Variants in PRUNE1 observed in about 807,000 individuals in gnomAD.
PRUNE1 encodes the protein exopolyphosphatase PRUNE1.
In PRUNE1, 25 loss-of-function variants were observed where a neutral mutation model predicts 42.5. The ratio of observed to expected loss-of-function variants is 0.59; its 90% CI spans 0.43 to 0.82. The LOEUF (loss-of-function observed/expected upper bound fraction) is 0.82. Ranked by LOEUF, PRUNE1 falls within the 40% of genes least tolerant of loss-of-function variation. The pLI is 0.00. For missense variants in PRUNE1, 443 were observed against 539.3 expected, an observed-to-expected ratio of 0.82 and a Z score of 1.77; for synonymous variants, 203 against 217.1, an observed-to-expected ratio of 0.93 and a Z score of 0.57.
At chr1:151,008,783 T>C in intron 1 of PRUNE1, 112 bp downstream of exon 1, 1 of 1,246,030 alleles carries the variant, frequency 8.0e-7, no homozygotes, top group Non-Finnish European at 1.1e-6. Flanking sequence ...CACTGAGTTG[T>C]GGGGAGGGGG....
At chr1:151,025,166 AAGAG>A (rs1045260802) in intron 4 of PRUNE1, among the ~76,000 whole-genome samples, 1 of 151,160 alleles carries the variant, frequency 6.6e-6, no homozygotes. Context: ...TGTAAAAAAA[AAGAG>A]AGAGAGAGTG....
intron 1 of PRUNE1, among the ~76,000 whole-genome samples, chr1:151,015,181 T>G (rs1674021377): frequency 1.4e-5 from 2 of 145,572 alleles, no homozygotes; most frequent in Admixed American, 1.4e-4. Flanking sequence ...ATACAAAAAT[T>G]AGCTGGGTGT....
chr1:151,017,470 A>G (rs1384458966), intron 1 of PRUNE1, among the ~76,000 whole-genome samples: 3 of 152,012 alleles, frequency 2.0e-5, no homozygotes, highest in African/African-American at 7.3e-5. Context: ...GTAGATGGAG[A>G]GGCCAGGCAC....
chr1:151,020,491 G>T (rs587599691), intron 3 of PRUNE1, among the ~76,000 whole-genome samples: 1 of 151,832 alleles, frequency 6.6e-6, no homozygotes, highest in East Asian at 2.0e-4. Flanking sequence ...GGCCAGGTGT[G>T]GTGGCTCACA....
chr1:151,019,964 T>TG (rs1674319542), intron 3 of PRUNE1, among the ~76,000 whole-genome samples: 1 of 151,268 alleles, frequency 6.6e-6, no homozygotes, highest in Non-Finnish European at 1.5e-5. Context: ...CCTGAGTAGC[T>TG]GGGATTACAG....
intron 5 of PRUNE1, 24 bp from the exon 6 acceptor site, chr1:151,027,209 C>T (rs747471912): frequency 7.7e-6 from 12 of 1,558,470 alleles, no homozygotes; most frequent in East Asian, 2.2e-5. Context: ...CTGTTTGACC[C>T]CTAGTCTCTC....
At chr1:151,024,242 AG>A (rs1287724112) in intron 3 of PRUNE1, among the ~76,000 whole-genome samples, 1 of 151,404 alleles carries the variant, frequency 6.6e-6, no homozygotes, top group Non-Finnish European at 1.5e-5. Context: ...AAGTAACCAA[AG>A]GTCAGTTTTA....
chr1:151,016,879 G>A (rs587622445), intron 1 of PRUNE1, among the ~76,000 whole-genome samples: 11 of 151,726 alleles, frequency 7.2e-5, no homozygotes, highest in Admixed American at 3.3e-4. Flanking sequence ...GTAAGCATTC[G>A]GCCGAGCACG....
chr1:151,018,069 G>T (rs2102909165), intron 2 of PRUNE1, among the ~76,000 whole-genome samples, 165 bp downstream of exon 2: 1 of 152,248 alleles, frequency 6.6e-6, no homozygotes, highest in East Asian at 1.9e-4. Flanking sequence ...ATGATATTTT[G>T]CAGTGTTGCT....
chr1:151,027,160 G>C, intron 5 of PRUNE1, 73 bp from the exon 6 acceptor site: 1 of 1,031,592 alleles, frequency 9.7e-7, no homozygotes. Context: ...GACCCATCTG[G>C]CTGTCCTTGC....
chr1:151,008,735 G>A (rs1271579263), intron 1 of PRUNE1, 64 bp downstream of exon 1: 1 of 1,585,546 alleles, frequency 6.3e-7, no homozygotes, highest in Non-Finnish European at 8.7e-7. Context: ...ACGAAGACGT[G>A]GGATCTGGGG....
At chr1:151,033,753 C>A in intron 7 of PRUNE1, 53 bp from the exon 8 acceptor site, 1 of 1,523,508 alleles carries the variant, frequency 6.6e-7, no homozygotes, top group Non-Finnish European at 9.0e-7. Flanking sequence ...AGAAGCCCAG[C>A]ACTTTGCTAC....
Position 151,034,420 on chromosome 1 carries a change from T to C in PRUNE1, c.*186T>C. The stretch of plus-strand genomic sequence containing the variant: ...GCTTTAAGAATGGTTTTCCACCTTT[T>C]CCCCCTAATCTCTACCAATCAGACA... On this transcript the variant is annotated 3_prime_UTR_variant, in exon 8 of 8. Transcript: ENST00000271620. The C allele has an allele frequency of 1.6e-6, 1 of 610,444 alleles. No homozygotes were observed. The highest frequency in any genetic ancestry group is 2.8e-6 in the Non-Finnish European group (1 of 353,798). The allele number at this position is 610,444 out of a possible 1,614,324, so 37.8% of individuals were successfully genotyped here.
chr1:151,008,545 C>T lies in PRUNE1; in HGVS notation c.-88C>T, dbSNP rs1011041122. 6.6e-6 allele frequency: 10 copies of T among 1,522,332 alleles called. No homozygotes were observed. In the East Asian group the frequency reaches 9.0e-5, roughly 14 times the overall value. The allele number at this position is 1,522,332 out of a possible 1,614,324, so 94.3% of individuals were successfully genotyped here. Reference sequence around the variant, plus strand: ...ACTCTGGCCTCTAGTCCCTGAGTCCCGGGCGGGCTGCATTCGTCGGGGAAA... The same window carrying T: ...ACTCTGGCCTCTAGTCCCTGAGTCCTGGGCGGGCTGCATTCGTCGGGGAAA... On this transcript the variant is annotated 5_prime_UTR_variant, in exon 1 of 8. Coordinates refer to ENST00000271620, the MANE Select transcript of PRUNE1 (RefSeq NM_021222.3).
chr1:151,033,651 A>C (rs587664235), intron 7 of PRUNE1, among the ~76,000 whole-genome samples, 155 bp from the exon 8 acceptor site: 1 of 151,394 alleles, frequency 6.6e-6, no homozygotes, highest in Non-Finnish European at 1.5e-5. Flanking sequence ...CGGCCTCCCA[A>C]AGTGCTGGGA....
intron 6 of PRUNE1, 112 bp downstream of exon 6, chr1:151,027,439 ATCTT>A: frequency 1.4e-6 from 1 of 734,402 alleles, no homozygotes; most frequent in Non-Finnish European, 2.3e-6. Flanking sequence ...TCTTGTGTCT[ATCTT>A]TGTCTCTACC....
chr1:151,021,562 A>G (rs1419016525), intron 3 of PRUNE1, among the ~76,000 whole-genome samples: 1 of 152,182 alleles, frequency 6.6e-6, no homozygotes, highest in Non-Finnish European at 1.5e-5. Context: ...AAAACTACCA[A>G]AAAAGCAACA....
chr1:151,033,391 C>CT (rs1409975062), intron 7 of PRUNE1, among the ~76,000 whole-genome samples: 8,664 of 126,764 alleles, frequency 0.068, 1,033 homozygotes, highest in African/African-American at 0.23. Context: ...GGCTGACTTA[C>CT]TTTTTTTTTT....
At position 151,012,297 on chromosome 1, in the gene PRUNE1, T is replaced by C. The variant is rs140876039; in HGVS notation, c.39+3626T>C. The stretch of plus-strand genomic sequence containing the variant: ...TGGGCTTGGAATTAGGGGTTACACA[T>C]GTTTTTCTTAAATAAAGAAGAGAAT... On this transcript the variant is annotated intron_variant, in intron 1 of 7. Coordinates refer to ENST00000271620, the MANE Select transcript of PRUNE1 (RefSeq NM_021222.3). 3.9e-4 allele frequency among the ~76,000 whole-genome samples: 60 copies of C among 152,248 alleles called. No individual in the cohort carries two copies. The East Asian group carries it at 0.01, about 26-fold the overall frequency.
Sources: gnomAD v4.1 joint callset for allele counts (sites outside exome capture counted in the v4.1 genomes callset) on GRCh38, gnomAD v4.1.1 for gene constraint, MANE v1.5 for transcripts, NCBI Gene and HGNC (gene_info 2026-07-23, HGNC 2026-07-21) for gene names.